KHDRBS3: variants seen among roughly 807,000 people sequenced by gnomAD.
The protein encoded by KHDRBS3 is KH RNA binding domain containing, signal transduction associated 3, also known as KH domain-containing, RNA-binding, signal transduction-associated protein 3.
In KHDRBS3, 23 loss-of-function variants were observed where a neutral mutation model predicts 45.6. That is an observed-to-expected ratio of 0.50 (90% CI 0.36 to 0.72). The LOEUF (loss-of-function observed/expected upper bound fraction) is 0.72, where lower values mean the gene tolerates loss of function less well. Ranked by LOEUF, KHDRBS3 falls within the 30% of genes least tolerant of loss-of-function variation. The probability of loss-of-function intolerance (pLI) is 0.00; values close to 1 mark genes in which losing one functional copy is unlikely to be tolerated. For synonymous variants in KHDRBS3, 162 were observed against 156.5 expected (o/e 1.04, Z -0.26); for missense variants, 352 against 424.8 (o/e 0.83, Z 1.51).
intron 5 of KHDRBS3, among the ~76,000 whole-genome samples, chr8:135,577,356 G>C (rs1028436548): frequency 6.6e-6 from 1 of 151,994 alleles, no homozygotes; most frequent in Non-Finnish European, 1.5e-5. Context: ...TGTATTCACC[G>C]TCATTTTGGT....
chr8:135,474,661 A>G (rs1822180169), intron 1 of KHDRBS3, among the ~76,000 whole-genome samples: 1 of 152,222 alleles, frequency 6.6e-6, no homozygotes, highest in African/African-American at 2.4e-5. Flanking sequence ...AATGAGGTGT[A>G]TCTGTGTAGG....
intron 6 of KHDRBS3, 115 bp from the exon 7 acceptor site, chr8:135,606,840 A>G (rs1829487026): frequency 1.4e-6 from 1 of 721,992 alleles, no homozygotes; most frequent in East Asian, 2.7e-5. Flanking sequence ...TTACACTATA[A>G]GTAGACATAT....
intron 7 of KHDRBS3, among the ~76,000 whole-genome samples, chr8:135,613,432 G>C (rs971255001): frequency 6.6e-6 from 1 of 151,726 alleles, no homozygotes; most frequent in Non-Finnish European, 1.5e-5. Flanking sequence ...CCGGCCTGAA[G>C]GCTGAAAGAG....
At chr8:135,494,276 T>A in intron 1 of KHDRBS3, among the ~76,000 whole-genome samples, 1 of 38,152 alleles carries the variant, frequency 2.6e-5, no homozygotes, top group Non-Finnish European at 6.4e-5. Context: ...TTCTCTTATT[T>A]TTTTTTTTTT....
intron 7 of KHDRBS3, among the ~76,000 whole-genome samples, chr8:135,630,287 T>A (rs1461109880): frequency 6.6e-6 from 1 of 152,194 alleles, no homozygotes; most frequent in African/African-American, 2.4e-5. Flanking sequence ...ATTGCTAATT[T>A]TGATAACATA....
chr8:135,531,247 CTAAA>C (rs1825460438), intron 2 of KHDRBS3, among the ~76,000 whole-genome samples: 1 of 152,040 alleles, frequency 6.6e-6, no homozygotes, highest in African/African-American at 2.4e-5. Flanking sequence ...TTATTAACGT[CTAAA>C]TAAGTTGGGC....
chr8:135,470,188 A>T (rs1821941044), intron 1 of KHDRBS3, among the ~76,000 whole-genome samples: 1 of 152,042 alleles, frequency 6.6e-6, no homozygotes, highest in Non-Finnish European at 1.5e-5. Context: ...CAATCCTTGG[A>T]TCTGTGGAGC....
intron 2 of KHDRBS3, among the ~76,000 whole-genome samples, chr8:135,522,440 G>A (rs978458485): frequency 2.0e-5 from 3 of 152,158 alleles, no homozygotes; most frequent in African/African-American, 7.2e-5. Context: ...TAAATACGCA[G>A]TATTGAAAAT....
chr8:135,557,020 C>G (rs1826920830), intron 4 of KHDRBS3, among the ~76,000 whole-genome samples: 2 of 152,178 alleles, frequency 1.3e-5, no homozygotes, highest in African/African-American at 2.4e-5. Context: ...TATATCCTTC[C>G]TCTTTGCTAG....
At chr8:135,636,992 T>G (rs904801325) in intron 7 of KHDRBS3, among the ~76,000 whole-genome samples, 5 of 152,224 alleles carry the variant, frequency 3.3e-5, no homozygotes, top group African/African-American at 1.2e-4. Context: ...GTAGGAGCAC[T>G]AGTGAACAAG....
rs557496945 is a variant in KHDRBS3 at position 135,628,678 on chromosome 8, G to C, written c.891-16381G>C. Among the ~76,000 whole-genome samples the C allele has an allele frequency of 2.0e-5, 3 of 152,294 alleles. No individual in the cohort carries two copies. In the South Asian group the frequency reaches 6.2e-4, roughly 32 times the overall value. On this transcript the variant is annotated intron_variant, in intron 7 of 8. Transcript: ENST00000355849. ...GCCCATCATCTAGCATCAGATAGTA[G>C]TAGTTGCAATAGGGTCATTTCTAAA...
intron 2 of KHDRBS3, among the ~76,000 whole-genome samples, chr8:135,525,069 G>A (rs2130676239): frequency 6.6e-6 from 1 of 152,222 alleles, no homozygotes; most frequent in East Asian, 1.9e-4. Context: ...TATTGCTTCA[G>A]CCCTTTGCAT....
At chr8:135,514,594 G>A (rs536710653) in intron 1 of KHDRBS3, among the ~76,000 whole-genome samples, 6 of 152,302 alleles carry the variant, frequency 3.9e-5, no homozygotes, top group Non-Finnish European at 8.8e-5. Flanking sequence ...TGTGCATAGG[G>A]TTTCACTTGT....
At chr8:135,598,641 G>A (rs1387215765) in intron 6 of KHDRBS3, among the ~76,000 whole-genome samples, 4 of 152,128 alleles carry the variant, frequency 2.6e-5, no homozygotes, top group Non-Finnish European at 5.9e-5. Flanking sequence ...TTGTTAATAT[G>A]GTAATTTTTA....
chr8:135,616,103 G>A (rs1463116804), intron 7 of KHDRBS3, among the ~76,000 whole-genome samples: 1 of 152,204 alleles, frequency 6.6e-6, no homozygotes, highest in Non-Finnish European at 1.5e-5. Context: ...TACTTACCAA[G>A]TGTGAGTTAC....
At chr8:135,548,728 TG>T (rs1563760204) in intron 3 of KHDRBS3, 25 bp from the exon 4 acceptor site, 1 of 1,489,026 alleles carries the variant, frequency 6.7e-7, no homozygotes, top group Non-Finnish European at 9.0e-7. Context: ...CGTTTTTAAA[TG>T]TGATTTCTTT....
At chr8:135,602,951 C>T (rs1419325802) in intron 6 of KHDRBS3, among the ~76,000 whole-genome samples, 1 of 152,182 alleles carries the variant, frequency 6.6e-6, no homozygotes, top group Non-Finnish European at 1.5e-5. Flanking sequence ...GAGCTTAGTT[C>T]TTGTCTTCCT....
chr8:135,579,636 C>T (rs956618160), intron 5 of KHDRBS3, among the ~76,000 whole-genome samples: 2 of 152,080 alleles, frequency 1.3e-5, no homozygotes, highest in Non-Finnish European at 2.9e-5. Flanking sequence ...CATTCCTGCC[C>T]GATGTTCTTT....
intron 7 of KHDRBS3, among the ~76,000 whole-genome samples, chr8:135,621,837 C>T (rs1830155835): frequency 6.6e-6 from 1 of 152,108 alleles, no homozygotes; most frequent in African/African-American, 2.4e-5. Context: ...ATAGAAAGAT[C>T]CATAGAGAAC....
Sources: allele counts gnomAD v4.1 joint callset (sites outside exome capture counted in the v4.1 genomes callset), GRCh38; gene constraint gnomAD v4.1.1; transcripts MANE v1.5; gene names NCBI Gene and HGNC (gene_info 2026-07-23, HGNC 2026-07-21).